The following EIF2D variants were observed in gnomAD, a reference collection of about 807,000 sequenced individuals.
The protein encoded by EIF2D is eukaryotic translation initiation factor 2D.
EIF2D carries 56 observed loss-of-function variants against 77.4 expected under a neutral mutation model. That is an observed-to-expected ratio of 0.72 (90% CI 0.58 to 0.90). The LOEUF (loss-of-function observed/expected upper bound fraction) is 0.90, where lower values mean the gene tolerates loss of function less well. EIF2D is among the 40% of genes least tolerant of loss of function. The pLI is 0.00. For missense variants in EIF2D, 574 were observed against 706.5 expected, an observed-to-expected ratio of 0.81 and a Z score of 2.13; for synonymous variants, 230 against 271.0, an observed-to-expected ratio of 0.85 and a Z score of 1.49.
chr1:206,586,946 G>A, downstream of EIF2D: 1 of 1,614,156 alleles, frequency 6.2e-7, no homozygotes, highest in Non-Finnish European at 8.5e-7. Context: ...ACTGGAGGAG[G>A]CCTTAAGAGA....
At chr1:206,574,853 CTTTTTTTT>C (rs71570015) in intron 4 of EIF2D, among the ~76,000 whole-genome samples, 11 of 86,072 alleles carry the variant, frequency 1.3e-4, no homozygotes, top group Admixed American at 1.1e-3. Flanking sequence ...GGACCAATGA[CTTTTTTTT>C]TTTTTTTTTT....
chr1:206,598,810 C>T (rs1669776533), intron 11 of EIF2D, among the ~76,000 whole-genome samples, 193 bp downstream of exon 11: 1 of 149,230 alleles, frequency 6.7e-6, no homozygotes, highest in Admixed American at 6.7e-5. Context: ...CAATGTTGAT[C>T]GTATACATGG....
chr1:206,577,753 C>CT, intron 4 of EIF2D, among the ~76,000 whole-genome samples: 1 of 152,178 alleles, frequency 6.6e-6, no homozygotes, highest in Non-Finnish European at 1.5e-5. Flanking sequence ...AAATTAAGAC[C>CT]TTTTTTGTCC....
chr1:206,574,322 T>A (rs1346242614), intron 4 of EIF2D, among the ~76,000 whole-genome samples: 1 of 152,208 alleles, frequency 6.6e-6, no homozygotes, highest in East Asian at 1.9e-4. Flanking sequence ...CATCTCTGTC[T>A]TCCCTTCTCA....
intron 5 of EIF2D, chr1:206,604,977 T>C (rs1347800631): frequency 6.5e-6 from 1 of 153,050 alleles, no homozygotes; most frequent in Non-Finnish European, 1.5e-5. Context: ...GAAATCTGAA[T>C]AACATAAAAG....
chr1:206,573,675 A>G (rs781980629), intron 4 of EIF2D, among the ~76,000 whole-genome samples: 11 of 152,346 alleles, frequency 7.2e-5, no homozygotes, highest in Non-Finnish European at 1.2e-4. Context: ...GCTTCAGTCT[A>G]GTTGGGAAGA....
In EIF2D at chr1:206,612,435, G is replaced by T. The variant is rs1403053802; in HGVS notation, c.-93C>A. On this transcript the variant is annotated 5_prime_UTR_variant, in exon 1 of 15. Transcript: ENST00000271764. ...AGCTGCCAGGCCCTCAGCCGTGGGG[G>T]CAGCCATGCTGGGGCCCGGCCGCGA... 5 of 1,544,700 alleles carry T rather than the reference G, an allele frequency of 3.2e-6. No homozygotes were observed. In the East Asian group the frequency reaches 9.0e-5, roughly 28 times the overall value.
intron 6 of EIF2D, 23 bp from the exon 7 acceptor site, chr1:206,602,476 A>G (rs1669973386): frequency 1.9e-6 from 3 of 1,600,536 alleles, no homozygotes; most frequent in Non-Finnish European, 2.6e-6. Context: ...GACAAGAGCC[A>G]CATCCTTCCT....
At chr1:206,582,775 G>C (rs781925918) in intron 2 of EIF2D, among the ~76,000 whole-genome samples, 1 of 152,188 alleles carries the variant, frequency 6.6e-6, no homozygotes, top group Non-Finnish European at 1.5e-5. Context: ...TTGTCTTCCC[G>C]ATCAGTAGTA....
At position 206,612,382 on chromosome 1, in the gene EIF2D, G is replaced by T. The variant is rs1553414278; in HGVS notation, c.-40C>A. ...CCTGGGGAAGAGAGCACAGAAGCCAGGGAATGTCAAGAAAGCGAGGGCGCA... is the reference window on the plus strand; with the variant it reads ...CCTGGGGAAGAGAGCACAGAAGCCATGGAATGTCAAGAAAGCGAGGGCGCA... On this transcript the variant is annotated 5_prime_UTR_variant, in exon 1 of 15. The change creates a new upstream start codon in the 5' untranslated region. Transcript: ENST00000271764. The T allele has an allele frequency of 6.2e-7, 1 of 1,613,876 alleles. No individual in the cohort carries two copies. Among genetic ancestry groups the T allele is most frequent in the South Asian group, 1.1e-5 (1 of 91,072 alleles).
downstream of EIF2D, among the ~76,000 whole-genome samples, chr1:206,569,896 C>T (rs1368151469): frequency 6.6e-6 from 1 of 152,052 alleles, no homozygotes; most frequent in African/African-American, 2.4e-5. Context: ...TCTTGGAGGG[C>T]TTGGCGTGAT....
At chr1:206,569,983 G>A (rs1668396420), downstream of EIF2D, among the ~76,000 whole-genome samples, 1 of 151,988 alleles carries the variant, frequency 6.6e-6, no homozygotes, top group African/African-American at 2.4e-5. Flanking sequence ...CAACTCTATG[G>A]GAAACAGATA....
chr1:206,593,486 A>AGC (rs782760050), intron 14 of EIF2D, 133 bp downstream of exon 14: 27 of 479,310 alleles, frequency 5.6e-5, no homozygotes, highest in African/African-American at 2.9e-4. Flanking sequence ...AGAGAGAGAG[A>AGC]GCGAGAGAGA....
chr1:206,574,578 T>C (rs1288936182), intron 4 of EIF2D, among the ~76,000 whole-genome samples: 6 of 152,188 alleles, frequency 3.9e-5, no homozygotes, highest in South Asian at 4.1e-4. Context: ...AAATTCCACA[T>C]GGAGCAGAAG....
intron 12 of EIF2D, among the ~76,000 whole-genome samples, chr1:206,596,660 AT>A (rs377176435): frequency 6.6e-6 from 1 of 151,748 alleles, no homozygotes; most frequent in African/African-American, 2.4e-5. Context: ...ATTTTTTCTT[AT>A]TTTTTTAAAT....
At chr1:206,593,466 G>GGAGAGA (rs781913118) in intron 14 of EIF2D, among the ~76,000 whole-genome samples, 153 bp downstream of exon 14, 1,009 of 100,622 alleles carry the variant, frequency 0.01, 16 homozygotes, top group African/African-American at 0.05. Flanking sequence ...AAAACTAAAT[G>GGAGAGA]GAGAGAGAGA....
At chr1:206,578,260 G>GTGTGTGTGTGTA (rs1339815554) in intron 4 of EIF2D, among the ~76,000 whole-genome samples, 2 of 151,056 alleles carry the variant, frequency 1.3e-5, no homozygotes, top group African/African-American at 4.9e-5. Context: ...GTGTGTGTGT[G>GTGTGTGTGTGTA]TGTAAGTAGA....
chr1:206,590,798 AAAC>A (rs1205445649), downstream of EIF2D, among the ~76,000 whole-genome samples: 1 of 152,246 alleles, frequency 6.6e-6, no homozygotes, highest in African/African-American at 2.4e-5. Context: ...GAAGAGAAAG[AAAC>A]AAGTAAACTG....
chr1:206,586,912 G>C (rs954068163), downstream of EIF2D: 35 of 1,614,094 alleles, frequency 2.2e-5, no homozygotes, highest in Non-Finnish European at 3.0e-5. Flanking sequence ...AAGTGCAAAA[G>C]AAGTATGACA....
Sources: allele counts gnomAD v4.1 joint callset (sites outside exome capture counted in the v4.1 genomes callset), GRCh38; gene constraint gnomAD v4.1.1; transcripts MANE v1.5; gene names NCBI Gene and HGNC (gene_info 2026-07-23, HGNC 2026-07-21).